PTPRD: variants seen among roughly 807,000 people sequenced by gnomAD.
The protein encoded by PTPRD is protein tyrosine phosphatase receptor type D.
Under a neutral mutation model 214.5 loss-of-function variants are expected in PTPRD, and 34 were observed. The ratio of observed to expected loss-of-function variants is 0.16; its 90% CI spans 0.12 to 0.21. The LOEUF (loss-of-function observed/expected upper bound fraction) is 0.21. PTPRD is among the 10% of genes least tolerant of loss of function. The probability of loss-of-function intolerance (pLI) is 1.00; values close to 1 mark genes in which losing one functional copy is unlikely to be tolerated. For synonymous variants in PTPRD, 1,128 were observed against 845.7 expected (o/e 1.33, Z -5.79); for missense variants, 2,545 against 2,398.7 (o/e 1.06, Z -1.27).
At chr9:10,607,650 C>T (rs540180775) in intron 2 of PTPRD, among the ~76,000 whole-genome samples, 2 of 151,618 alleles carry the variant, frequency 1.3e-5, no homozygotes, top group Non-Finnish European at 3.0e-5. Context: ...ATATTCCTAT[C>T]ACATATAGAA....
chr9:8,536,465 G>A (rs547645493), intron 14 of PTPRD, among the ~76,000 whole-genome samples: 13 of 151,738 alleles, frequency 8.6e-5, no homozygotes, highest in Non-Finnish European at 1.8e-4. Context: ...ATGTGTGTGT[G>A]TATATACATA....
At chr9:9,308,527 C>A (rs922816153) in intron 9 of PTPRD, among the ~76,000 whole-genome samples, 2 of 152,096 alleles carry the variant, frequency 1.3e-5, no homozygotes, top group African/African-American at 4.8e-5. Context: ...TACTGAGATT[C>A]ACTTTTTGTG....
intron 7 of PTPRD, among the ~76,000 whole-genome samples, chr9:9,649,088 A>G (rs919006263): frequency 4.6e-5 from 7 of 152,154 alleles, no homozygotes; most frequent in African/African-American, 1.7e-4. Context: ...GGGAGGTAGT[A>G]AACAAACCAA....
intron 9 of PTPRD, among the ~76,000 whole-genome samples, chr9:9,324,929 C>T (rs561680782): frequency 1.3e-5 from 2 of 152,274 alleles, no homozygotes; most frequent in South Asian, 4.1e-4. Context: ...GTTTTCCCAG[C>T]ACCATTCATT....
At chr9:10,581,147 C>A (rs1017903820) in intron 2 of PTPRD, among the ~76,000 whole-genome samples, 9 of 152,136 alleles carry the variant, frequency 5.9e-5, no homozygotes, top group African/African-American at 1.9e-4. Flanking sequence ...CCTTATCCCA[C>A]AGAGCTATTA....
At chr9:9,089,972 T>A (rs2099773230) in intron 10 of PTPRD, among the ~76,000 whole-genome samples, 1 of 152,232 alleles carries the variant, frequency 6.6e-6, no homozygotes, top group South Asian at 2.1e-4. Flanking sequence ...ATTTATGGGG[T>A]ATATGTGATA....
chr9:9,735,695 T>C (rs1015182607), intron 6 of PTPRD, among the ~76,000 whole-genome samples: 2 of 152,088 alleles, frequency 1.3e-5, no homozygotes, highest in Non-Finnish European at 2.9e-5. Context: ...TAATGGATCT[T>C]GTCATATTAT....
chr9:10,454,297 A>G (rs1263091186), intron 2 of PTPRD, among the ~76,000 whole-genome samples: 2 of 151,520 alleles, frequency 1.3e-5, no homozygotes, highest in South Asian at 2.1e-4. Flanking sequence ...ACCCTTCTCT[A>G]TTCCTCACCT....
intron 9 of PTPRD, among the ~76,000 whole-genome samples, chr9:9,326,742 C>G (rs1428465961): frequency 6.6e-6 from 1 of 150,724 alleles, no homozygotes; most frequent in Non-Finnish European, 1.5e-5. Flanking sequence ...GAATCTCAAA[C>G]AGAAATATGC....
chr9:8,467,034 G>T (rs185589268), intron 31 of PTPRD, among the ~76,000 whole-genome samples: 1 of 151,818 alleles, frequency 6.6e-6, no homozygotes, highest in Non-Finnish European at 1.5e-5. Context: ...TGTTCAGCTG[G>T]TTCAAAATTG....
intron 11 of PTPRD, among the ~76,000 whole-genome samples, chr9:8,974,769 C>T (rs991324927): frequency 1.3e-5 from 2 of 151,774 alleles, no homozygotes; most frequent in African/African-American, 2.4e-5. Context: ...ATAGTATATA[C>T]CACTAATATA....
chr9:9,802,981 T>C (rs2099051161), intron 5 of PTPRD, among the ~76,000 whole-genome samples: 1 of 151,910 alleles, frequency 6.6e-6, no homozygotes, highest in Non-Finnish European at 1.5e-5. Flanking sequence ...ATTACTGAAC[T>C]ACAAGGAATT....
chr9:10,516,829 T>C (rs2050282530), intron 2 of PTPRD, among the ~76,000 whole-genome samples: 1 of 151,958 alleles, frequency 6.6e-6, no homozygotes, highest in Admixed American at 6.6e-5. Context: ...CTGAAGAAAC[T>C]ATTATTTTCC....
rs78378741 is a variant in PTPRD, at chr9:10,587,608, C to T, written c.-600+24790G>A. 3.1e-3 allele frequency among the ~76,000 whole-genome samples: 472 copies of T among 152,142 alleles called. 5 individuals are homozygous for T. The highest frequency in any genetic ancestry group is 0.011 in the African/African-American group (444 of 41,544). Reference sequence around the variant, plus strand: ...TTATTGCATTTCCTCATCACTCTTTCAGAAAAATTATCTGAGATTTGGAGA... The same window carrying T: ...TTATTGCATTTCCTCATCACTCTTTTAGAAAAATTATCTGAGATTTGGAGA... On this transcript the variant is annotated intron_variant, in intron 2 of 45. Coordinates refer to ENST00000381196, the MANE Select transcript of PTPRD (RefSeq NM_002839.4).
intron 3 of PTPRD, among the ~76,000 whole-genome samples, chr9:10,156,684 T>C (rs2099095349): frequency 6.6e-6 from 1 of 152,162 alleles, no homozygotes; most frequent in Non-Finnish European, 1.5e-5. Flanking sequence ...GTCCTCAATA[T>C]CTTTGTTAAT....
At chr9:9,211,203 T>A (rs1350533196) in intron 9 of PTPRD, among the ~76,000 whole-genome samples, 1 of 152,084 alleles carries the variant, frequency 6.6e-6, no homozygotes, top group African/African-American at 2.4e-5. Flanking sequence ...AAGGTCTGTA[T>A]TGCCTGGTAT....
intron 9 of PTPRD, among the ~76,000 whole-genome samples, chr9:9,277,794 C>A (rs1157660264): frequency 6.6e-6 from 1 of 151,200 alleles, no homozygotes; most frequent in African/African-American, 2.4e-5. Flanking sequence ...TTTGGAAGTA[C>A]CATTGTGGGC....
At chr9:10,253,216 G>C (rs1273290149) in intron 3 of PTPRD, among the ~76,000 whole-genome samples, 1 of 152,080 alleles carries the variant, frequency 6.6e-6, no homozygotes, top group Non-Finnish European at 1.5e-5. Flanking sequence ...CTGATGTCTG[G>C]CATACGATTA....
intron 5 of PTPRD, among the ~76,000 whole-genome samples, chr9:9,861,252 A>C (rs973054027): frequency 1.3e-5 from 2 of 152,070 alleles, no homozygotes; most frequent in Non-Finnish European, 2.9e-5. Context: ...GTATGAAAGT[A>C]ATTAAGATTG....
Sources: gnomAD v4.1 joint callset for allele counts (sites outside exome capture counted in the v4.1 genomes callset) on GRCh38, gnomAD v4.1.1 for gene constraint, MANE v1.5 for transcripts, NCBI Gene and HGNC (gene_info 2026-07-23, HGNC 2026-07-21) for gene names.